The following BIN3 variants were observed in gnomAD, a reference collection of about 807,000 sequenced individuals.
The protein encoded by BIN3 is bridging integrator 3.
Under a neutral mutation model 38.2 loss-of-function variants are expected in BIN3, and 41 were observed. That is an observed-to-expected ratio of 1.07 (90% CI 0.84 to 1.39). The LOEUF (loss-of-function observed/expected upper bound fraction) is 1.39. Ranked by LOEUF, BIN3 falls within the 40% of genes most tolerant of loss-of-function variation. The pLI is 0.00. For synonymous variants in BIN3, 145 were observed against 122.6 expected (o/e 1.18, Z -1.21); for missense variants, 361 against 324.3 (o/e 1.11, Z -0.87).
intron 1 of BIN3, among the ~76,000 whole-genome samples, chr8:22,666,953 G>C (rs1803441217): frequency 1.3e-5 from 2 of 152,172 alleles, no homozygotes; most frequent in African/African-American, 2.4e-5. Flanking sequence ...AAACCACTCA[G>C]GGAGTGAATC....
rs1364859089 is a variant in BIN3 at position 22,621,488 on chromosome 8, C to T, written c.696G>A (p.Gln232=). 1.2e-6 allele frequency: 2 copies of T among 1,613,974 alleles called. No individual in the cohort carries two copies. Among genetic ancestry groups the T allele is most frequent in the Non-Finnish European group, 1.7e-6 (2 of 1,179,898 alleles). Residue 232 remains glutamine, a synonymous_variant, in exon 9 of 9, where the codon CAG becomes CAA. Coordinates refer to ENST00000276416, the MANE Select transcript of BIN3 (RefSeq NM_018688.6). The stretch of plus-strand genomic sequence containing the variant: ...GTTTGGCCTCGTTCTCCCGCTCCCG[C>T]TGCTCATCGGAGTGGCCTGGCTGGT... ...QLDQPGHSDE[Q]RERENEAKLS...
chr8:22,625,610 C>A (rs1801978415), intron 6 of BIN3: 6 of 583,038 alleles, frequency 1.0e-5, no homozygotes, highest in Non-Finnish European at 1.8e-5. Flanking sequence ...GGTTTTGAGA[C>A]AGAGTCTTGC....
chr8:22,628,485 T>C (rs1802075593), intron 6 of BIN3, among the ~76,000 whole-genome samples: 1 of 152,174 alleles, frequency 6.6e-6, no homozygotes, highest in Non-Finnish European at 1.5e-5. Flanking sequence ...TGAGGGCTCA[T>C]GCAGAGGTCA....
chr8:22,629,664 G>T, intron 6 of BIN3: 1 of 504,028 alleles, frequency 2.0e-6, no homozygotes, highest in South Asian at 2.6e-5. Flanking sequence ...GGCCCCAGTG[G>T]CTCTCAATCA....
intron 1 of BIN3, among the ~76,000 whole-genome samples, chr8:22,654,641 C>G (rs1001064528): frequency 1.3e-5 from 2 of 152,236 alleles, no homozygotes; most frequent in Non-Finnish European, 2.9e-5. Flanking sequence ...TCATCCATGT[C>G]ATAGCATATA....
intron 1 of BIN3, among the ~76,000 whole-genome samples, chr8:22,659,655 C>T (rs147855917): frequency 2.9e-4 from 44 of 152,308 alleles, no homozygotes; most frequent in African/African-American, 5.3e-4. Context: ...GGAGAAACAG[C>T]GCAGTAGATC....
intron 6 of BIN3, chr8:22,624,623 G>A: frequency 2.1e-6 from 1 of 465,150 alleles, no homozygotes; most frequent in Non-Finnish European, 3.8e-6. Context: ...ACAATGTCAT[G>A]GGGTGAGGGC....
At chr8:22,668,967 G>T in intron 1 of BIN3, 77 bp downstream of exon 1, 1 of 1,539,354 alleles carries the variant, frequency 6.5e-7, no homozygotes, top group Non-Finnish European at 8.8e-7. Context: ...AGGGAGCCGG[G>T]ACGCGGCACT....
rs762024716 is a variant in BIN3 at position 22,624,324 on chromosome 8, C to T, written c.378G>A (p.Lys126=). The T allele has an allele frequency of 5.1e-5, 82 of 1,613,788 alleles. 1 individual carries two copies. The Middle Eastern group carries it at 8.2e-4, about 16-fold the overall frequency. Residue 126 remains lysine, a synonymous_variant, in exon 7 of 9, where the codon AAG becomes AAA. Transcript: ENST00000276416. ...SVFPSLNMAV[K]RREQALQDYR... ...AGTCCTGCAAGGCCTGTTCCCGCCT[C>T]TTCACAGCCATGTTGAGGCTCGGGA...
At chr8:22,647,647 G>C (rs537279846) in intron 1 of BIN3, among the ~76,000 whole-genome samples, 1 of 152,146 alleles carries the variant, frequency 6.6e-6, no homozygotes, top group African/African-American at 2.4e-5. Flanking sequence ...TGCTGAACTG[G>C]GTGCTCTGGC....
At chr8:22,646,511 C>T (rs1167648181) in intron 1 of BIN3, among the ~76,000 whole-genome samples, 6 of 152,272 alleles carry the variant, frequency 3.9e-5, no homozygotes, top group South Asian at 4.2e-4. Context: ...AACAGTGATC[C>T]AGTGGAGGGG....
Position 22,621,236 on chromosome 8 carries a change from G to T in BIN3, c.*186C>A, listed in dbSNP as rs1801793857. The stretch of plus-strand genomic sequence containing the variant: ...CTGCTTACCTGCTGGGGCTGTGAGT[G>T]GGGAGACGGCGGCCTGCCTAGGGCT... On this transcript the variant is annotated 3_prime_UTR_variant, in exon 9 of 9. Coordinates refer to ENST00000276416, the MANE Select transcript of BIN3 (RefSeq NM_018688.6). The T allele has an allele frequency of 2.8e-6, 2 of 709,728 alleles. No individual in the cohort carries two copies. Among genetic ancestry groups the T allele is most frequent in the East Asian group, 2.8e-5 (1 of 36,260 alleles). 44.0% of individuals were successfully genotyped at this position (709,728 alleles called of 1,614,324 possible).
At chr8:22,623,468 C>T (rs1007343627) in intron 8 of BIN3, among the ~76,000 whole-genome samples, 1 of 152,164 alleles carries the variant, frequency 6.6e-6, no homozygotes, top group Non-Finnish European at 1.5e-5. Context: ...CAAGGCAGGA[C>T]TCCCGCCGTT....
chr8:22,626,906 G>A (rs1013301813), intron 6 of BIN3, among the ~76,000 whole-genome samples: 2 of 152,200 alleles, frequency 1.3e-5, no homozygotes, highest in South Asian at 2.1e-4. Flanking sequence ...CACCAGGAGC[G>A]CTGACTACAG....
intron 8 of BIN3, among the ~76,000 whole-genome samples, chr8:22,621,822 G>C (rs1180710646): frequency 1.3e-5 from 2 of 150,576 alleles, no homozygotes. Flanking sequence ...CCCAGCAGCA[G>C]GTGCAGGAAG....
At chr8:22,628,264 G>A (rs1802067870) in intron 6 of BIN3, among the ~76,000 whole-genome samples, 1 of 152,258 alleles carries the variant, frequency 6.6e-6, no homozygotes, top group South Asian at 2.1e-4. Flanking sequence ...CTGCAGGGAG[G>A]CTGGGGGCGG....
At chr8:22,633,094 C>T (rs1026910670) in intron 4 of BIN3, among the ~76,000 whole-genome samples, 1 of 152,194 alleles carries the variant, frequency 6.6e-6, no homozygotes, top group African/African-American at 2.4e-5. Flanking sequence ...CGGCCCTGGG[C>T]AGAACTGGGT....
intron 1 of BIN3, among the ~76,000 whole-genome samples, chr8:22,651,024 C>G (rs139956812): frequency 1.3e-5 from 2 of 152,084 alleles, no homozygotes; most frequent in Non-Finnish European, 2.9e-5. Context: ...CAGTTGTAGC[C>G]GATGTACTGA....
At chr8:22,622,458 T>TGTCA (rs1211191741) in intron 8 of BIN3, 2 of 152,504 alleles carry the variant, frequency 1.3e-5, no homozygotes, top group Non-Finnish European at 2.9e-5. Context: ...AACACACTGC[T>TGTCA]GTCACCTCTG....
Sources: gnomAD v4.1 joint callset for allele counts (sites outside exome capture counted in the v4.1 genomes callset) on GRCh38, gnomAD v4.1.1 for gene constraint, MANE v1.5 for transcripts, NCBI Gene and HGNC (gene_info 2026-07-23, HGNC 2026-07-21) for gene names.